NRXN3: variants seen among roughly 807,000 people sequenced by gnomAD.
The protein encoded by NRXN3 is neurexin 3, also known as neurexin III.
A neutral mutation model predicts 137.6 loss-of-function variants in NRXN3; 32 were observed. The observed-to-expected ratio is 0.23, with a 90% CI of 0.18 to 0.31. The LOEUF (loss-of-function observed/expected upper bound fraction) is 0.31, where lower values mean the gene tolerates loss of function less well. Among genes scored for constraint, NRXN3 ranks in the 10% least tolerant of loss-of-function variants. The pLI, the probability that NRXN3 is intolerant of heterozygous loss-of-function variation, is 1.00. For missense variants in NRXN3, 1,574 were observed against 2,062.5 expected (o/e 0.76, Z 4.59); for synonymous variants, 798 against 784.5 (o/e 1.02, Z -0.29).
chr14:78,248,746 C>T (rs934250906), intron 2 of NRXN3, among the ~76,000 whole-genome samples: 3 of 152,118 alleles, frequency 2.0e-5, no homozygotes, highest in African/African-American at 7.2e-5. Context: ...GGAAGTGGAG[C>T]ATAATCAGAG....
chr14:78,831,559 A>AAAAAAAAAAC (rs2098982391), intron 10 of NRXN3, among the ~76,000 whole-genome samples: 1 of 149,218 alleles, frequency 6.7e-6, no homozygotes, highest in African/African-American at 2.5e-5. Context: ...AAAAAAAAAA[A>AAAAAAAAAAC]AACAACAACA....
intron 15 of NRXN3, among the ~76,000 whole-genome samples, chr14:79,083,522 T>A (rs1002280434): frequency 2.0e-5 from 3 of 152,254 alleles, no homozygotes; most frequent in African/African-American, 7.2e-5. Flanking sequence ...TCAACTGGAT[T>A]CATCTTTTCC....
chr14:79,828,904 A>G (rs983635246), intron 20 of NRXN3, among the ~76,000 whole-genome samples: 4 of 152,170 alleles, frequency 2.6e-5, no homozygotes, highest in Non-Finnish European at 5.9e-5. Flanking sequence ...TTAAAGAAAG[A>G]AATGTTTCCT....
At chr14:78,729,794 C>G (rs563535559) in intron 8 of NRXN3, among the ~76,000 whole-genome samples, 36 of 152,306 alleles carry the variant, frequency 2.4e-4, no homozygotes, top group African/African-American at 8.7e-4. Context: ...CTCATCTCTC[C>G]TTCTCTAGAC....
rs2077271001 is a variant in NRXN3, at chr14:79,259,595, ATATATATATAGC to A, written c.3263-207616_3263-207605del. 2.7e-5 allele frequency among the ~76,000 whole-genome samples: 4 copies of A among 147,698 alleles called. No individual in the cohort carries two copies. In the Admixed American group the frequency reaches 2.7e-4, roughly 10 times the overall value. ...TCTATATATAGCTATATATAGAGTT[ATATATATATAGC>A]TATATATATGGTTATCTATATAGCT... On this transcript the variant is annotated intron_variant, in intron 15 of 20. Coordinates refer to ENST00000335750, the MANE Select transcript of NRXN3 (RefSeq NM_001330195.2).
At chr14:79,772,360 T>C (rs563029600) in intron 19 of NRXN3, among the ~76,000 whole-genome samples, 2 of 152,158 alleles carry the variant, frequency 1.3e-5, no homozygotes, top group African/African-American at 4.8e-5. Flanking sequence ...GGCATCACAC[T>C]ACCTGACTTC....
chr14:78,411,274 G>C (rs149955914), intron 4 of NRXN3, among the ~76,000 whole-genome samples: 1 of 152,264 alleles, frequency 6.6e-6, no homozygotes, highest in East Asian at 1.9e-4. Context: ...TGTCATTATT[G>C]TATGGGTTTT....
rs1304977572 is a variant in NRXN3 at position 78,926,739 on chromosome 14, ATATATTATATATTATAT to A, written c.2276-30502_2276-30486del. Among the ~76,000 whole-genome samples the A allele has an allele frequency of 3.1e-3, 190 of 62,174 alleles. 9 individuals are homozygous for A. Among genetic ancestry groups the A allele is most frequent in the African/African-American group, 0.017 (183 of 10,812 alleles). 40.8% of individuals were successfully genotyped at this position (62,174 alleles called of 152,430 possible). ...TATATAATTATATATAATATAAAAT[ATATATTATATATTATAT>A]ATATATTATATATATTATATATATA... On this transcript the variant is annotated intron_variant, in intron 10 of 20. Coordinates refer to ENST00000335750, the MANE Select transcript of NRXN3 (RefSeq NM_001330195.2).
chr14:79,397,116 T>C (rs527903053), intron 15 of NRXN3, among the ~76,000 whole-genome samples: 2 of 152,246 alleles, frequency 1.3e-5, no homozygotes, highest in South Asian at 2.1e-4. Context: ...GATTGGAAAA[T>C]AGGGATTTTT....
At chr14:79,004,141 A>C (rs1276150784) in intron 15 of NRXN3, among the ~76,000 whole-genome samples, 1 of 152,220 alleles carries the variant, frequency 6.6e-6, no homozygotes. Context: ...ACTGATTGCC[A>C]AGGGTCCTCA....
chr14:78,333,449 G>A (rs2081075923), intron 4 of NRXN3, among the ~76,000 whole-genome samples: 1 of 152,144 alleles, frequency 6.6e-6, no homozygotes, highest in South Asian at 2.1e-4. Flanking sequence ...ATATTCTACT[G>A]GGAGAGTAGG....
rs181312638 is a variant in NRXN3 at position 79,002,568 on chromosome 14, A to G, written c.3262+14427A>G. Among the ~76,000 whole-genome samples the G allele has an allele frequency of 2.6e-5, 4 of 152,242 alleles. No homozygotes were observed. In the East Asian group the frequency reaches 7.7e-4, roughly 29 times the overall value. ...TGATCTCATTCCTTTTTATGGCTGC[A>G]TAGTATTCCGTGGTGTATATGTATC... On this transcript the variant is annotated intron_variant, in intron 15 of 20. Coordinates refer to ENST00000335750, the MANE Select transcript of NRXN3 (RefSeq NM_001330195.2).
At chr14:79,246,121 G>A (rs1457131088) in intron 15 of NRXN3, among the ~76,000 whole-genome samples, 1 of 152,166 alleles carries the variant, frequency 6.6e-6, no homozygotes, top group Admixed American at 6.6e-5. Context: ...TTTTTCCATA[G>A]TTGGAATTGA....
At chr14:78,487,045 T>C (rs1298212012) in intron 4 of NRXN3, among the ~76,000 whole-genome samples, 1 of 152,178 alleles carries the variant, frequency 6.6e-6, no homozygotes, top group African/African-American at 2.4e-5. Context: ...TGGTTGAGTT[T>C]TGATAATCCT....
chr14:78,188,681 G>C (rs2060451382), intron 1 of NRXN3, among the ~76,000 whole-genome samples: 1 of 152,188 alleles, frequency 6.6e-6, no homozygotes, highest in South Asian at 2.1e-4. Context: ...ATAGACTTTG[G>C]AATCAGAGCA....
intron 16 of NRXN3, among the ~76,000 whole-genome samples, chr14:79,643,578 G>C (rs531144193): frequency 1.5e-5 from 2 of 135,190 alleles, no homozygotes; most frequent in Admixed American, 7.8e-5. Flanking sequence ...AGCCTAACAT[G>C]ATTTGGCCTC....
intron 8 of NRXN3, among the ~76,000 whole-genome samples, chr14:78,738,123 A>G (rs1161527608): frequency 1.3e-5 from 2 of 152,186 alleles, no homozygotes; most frequent in Non-Finnish European, 2.9e-5. Context: ...AACACACTCC[A>G]CCAACTACAA....
chr14:78,668,385 C>T (rs538584359), intron 6 of NRXN3, among the ~76,000 whole-genome samples: 1 of 152,172 alleles, frequency 6.6e-6, no homozygotes, highest in South Asian at 2.1e-4. Flanking sequence ...TCTTATAGTT[C>T]AGGGGTTGAC....
Position 79,758,017 on chromosome 14 carries a change from G to C in NRXN3, c.4015-47095G>C, listed in dbSNP as rs192658893. On this transcript the variant is annotated intron_variant, in intron 19 of 20. Transcript: ENST00000335750. ...TATACATTATCCATTAAAGTAGAGT[G>C]TGTTGTGAACTGACCTTAAGGGAAT... 2.6e-5 allele frequency among the ~76,000 whole-genome samples: 4 copies of C among 152,222 alleles called. No individual in the cohort carries two copies. In the East Asian group the frequency reaches 7.7e-4, roughly 29 times the overall value.
Sources: gnomAD v4.1 joint callset for allele counts (sites outside exome capture counted in the v4.1 genomes callset) on GRCh38, gnomAD v4.1.1 for gene constraint, MANE v1.5 for transcripts, NCBI Gene and HGNC (gene_info 2026-07-23, HGNC 2026-07-21) for gene names.